RNF145: variants seen among roughly 807,000 people sequenced by gnomAD.
RNF145 encodes the protein ring finger protein 145.
A neutral mutation model predicts 57.3 loss-of-function variants in RNF145; 12 were observed. The ratio of observed to expected loss-of-function variants is 0.21; its 90% CI spans 0.13 to 0.34. The LOEUF (loss-of-function observed/expected upper bound fraction) is 0.34, where lower values mean the gene tolerates loss of function less well. Ranked by LOEUF, RNF145 falls within the 10% of genes least tolerant of loss-of-function variation. The pLI is 1.00. For synonymous variants in RNF145, 262 were observed against 288.3 expected (o/e 0.91, Z 0.92); for missense variants, 429 against 799.0 (o/e 0.54, Z 5.58).
chr5:159,177,452 C>A (rs574721798), intron 4 of RNF145, among the ~76,000 whole-genome samples: 3 of 152,010 alleles, frequency 2.0e-5, no homozygotes, highest in Non-Finnish European at 2.9e-5. Context: ...CACAGAAATA[C>A]AAAGAACAAA....
At chr5:159,159,312 G>A (rs1784138403) in intron 10 of RNF145, among the ~76,000 whole-genome samples, 2 of 152,338 alleles carry the variant, frequency 1.3e-5, no homozygotes, top group African/African-American at 4.8e-5. Context: ...GGTTTTGCCT[G>A]AGTATGAAAT....
chr5:159,191,991 C>G (rs1182107388), intron 3 of RNF145, among the ~76,000 whole-genome samples: 1 of 151,626 alleles, frequency 6.6e-6, no homozygotes, highest in East Asian at 1.9e-4. Flanking sequence ...ACAGTCAGCC[C>G]TCCATATTCA....
intron 4 of RNF145, among the ~76,000 whole-genome samples, 180 bp downstream of exon 4, chr5:159,181,780 T>A (rs952033669): frequency 6.6e-6 from 1 of 150,788 alleles, no homozygotes; most frequent in Non-Finnish European, 1.5e-5. Flanking sequence ...ACATAATCTA[T>A]ACATGGGGAA....
rs1247943717 is a variant in RNF145 at position 159,161,315 on chromosome 5, G to A, written c.1577C>T (p.Thr526Met). The change falls in exon 10 of 11, where the codon ACG becomes ATG. Residue 526 changes from threonine to methionine, a missense_variant. By Grantham distance (81) the Thr-to-Met change is moderately conservative. Around this residue, in one of 4 missense-constraint regions of RNF145, gnomAD observed 216 missense variants for 457.6 expected, o/e 0.47. Coordinates refer to ENST00000424310, the MANE Select transcript of RNF145 (RefSeq NM_001199383.2). ...ATTGTGTTTCTCAAGCTGCTCTTTCGTAGCAATGGGTAACGATTTAATCTT... is the reference window on the plus strand; with the variant it reads ...ATTGTGTTTCTCAAGCTGCTCTTTCATAGCAATGGGTAACGATTTAATCTT... ...VNKIKSLPIA[T>M]KEQLEKHNDI... 3.1e-6 allele frequency: 5 copies of A among 1,613,608 alleles called. No homozygotes were observed. Among genetic ancestry groups the A allele is most frequent in the Non-Finnish European group, 4.2e-6 (5 of 1,179,756 alleles).
At chr5:159,187,891 C>G (rs1341703680) in intron 3 of RNF145, among the ~76,000 whole-genome samples, 1 of 152,140 alleles carries the variant, frequency 6.6e-6, no homozygotes, top group Non-Finnish European at 1.5e-5. Flanking sequence ...AAATGGAGAG[C>G]TGATTATCCA....
intron 2 of RNF145, among the ~76,000 whole-genome samples, chr5:159,200,426 T>C (rs1025447779): frequency 2.0e-5 from 3 of 152,070 alleles, no homozygotes; most frequent in African/African-American, 7.2e-5. Context: ...TATGTGAGAA[T>C]TCAGTATATA....
At chr5:159,191,982 C>T (rs901296883) in intron 3 of RNF145, among the ~76,000 whole-genome samples, 1 of 151,390 alleles carries the variant, frequency 6.6e-6, no homozygotes, top group African/African-American at 2.4e-5. Context: ...ATTGGTAATA[C>T]AGTCAGCCCT....
rs78876929 is a variant in RNF145, at chr5:159,177,117, G to A, written c.386-250C>T. Among the ~76,000 whole-genome samples the A allele has an allele frequency of 2.2e-3, 335 of 152,160 alleles. 8 individuals are homozygous for A. In the East Asian group the frequency reaches 0.052, roughly 24 times the overall value. On this transcript the variant is annotated intron_variant, in intron 4 of 10. Transcript: ENST00000424310. ...AGAGCAGCATAAATCTCCACTGGTC[G>A]TCTGTGATGCCATGTGTAATATGAA... is the stretch of plus-strand genomic sequence containing the variant.
At chr5:159,209,640 T>C (rs1190242471), upstream of RNF145, 4 of 1,026,004 alleles carry the variant, frequency 3.9e-6, no homozygotes, top group Non-Finnish European at 5.0e-6. Flanking sequence ...CCGCGCTCAC[T>C]CACAATCGCG....
chr5:159,200,683 C>CA (rs1785632061), intron 2 of RNF145, among the ~76,000 whole-genome samples: 2 of 152,062 alleles, frequency 1.3e-5, no homozygotes, highest in Admixed American at 1.3e-4. Flanking sequence ...AAATCATAAG[C>CA]AAAATCACTG....
chr5:159,191,718 G>T (rs1172134601), intron 3 of RNF145, among the ~76,000 whole-genome samples: 1 of 152,022 alleles, frequency 6.6e-6, no homozygotes, highest in African/African-American at 2.4e-5. Context: ...CTTGAGCCTG[G>T]GAGGCAGAGG....
rs959113134 is a variant in RNF145, at chr5:159,157,897, A to G, written c.*773T>C. On this transcript the variant is annotated 3_prime_UTR_variant, in exon 11 of 11. Coordinates refer to ENST00000424310, the MANE Select transcript of RNF145 (RefSeq NM_001199383.2). ...GGTCTCCTTCACTAAAGCAGACTCC[A>G]AAGTGTTCATCAGAGTTTTAGTTTA... 1 of 152,798 alleles carries G rather than the reference A, an allele frequency of 6.5e-6. No homozygotes were observed. The highest frequency in any genetic ancestry group is 2.4e-5 in the African/African-American group (1 of 41,460). The allele number at this position is 152,798 out of a possible 1,614,324, so 9.5% of individuals were successfully genotyped here.
intron 1 of RNF145, among the ~76,000 whole-genome samples, chr5:159,208,559 G>A (rs1242114319): frequency 2.6e-5 from 4 of 152,094 alleles, no homozygotes; most frequent in Non-Finnish European, 2.9e-5. Context: ...ACTGACGGAC[G>A]GGATGCAGAG....
At chr5:159,188,337 T>G (rs1455765299) in intron 3 of RNF145, among the ~76,000 whole-genome samples, 1 of 150,932 alleles carries the variant, frequency 6.6e-6, no homozygotes, top group Non-Finnish European at 1.5e-5. Flanking sequence ...CAGTGAGCCA[T>G]GAGCCGAAAT....
At chr5:159,197,948 T>C (rs990397056) in intron 2 of RNF145, among the ~76,000 whole-genome samples, 21 of 151,892 alleles carry the variant, frequency 1.4e-4, no homozygotes, top group Admixed American at 1.4e-3. Context: ...CCTGTCTCTA[T>C]AAAAAATAAG....
intron 3 of RNF145, among the ~76,000 whole-genome samples, chr5:159,182,706 G>A (rs958534824): frequency 6.6e-6 from 1 of 152,102 alleles, no homozygotes; most frequent in Admixed American, 6.6e-5. Flanking sequence ...TAAGCTTTAA[G>A]TAATAACCAG....
intron 9 of RNF145, among the ~76,000 whole-genome samples, chr5:159,162,385 TA>T (rs1475167911): frequency 6.6e-6 from 1 of 151,018 alleles, no homozygotes; most frequent in African/African-American, 2.4e-5. Flanking sequence ...ATTACCTTCA[TA>T]AAAAATACAG....
chr5:159,180,749 A>C (rs1411557656), intron 4 of RNF145, among the ~76,000 whole-genome samples: 2 of 152,144 alleles, frequency 1.3e-5, no homozygotes, highest in Non-Finnish European at 2.9e-5. Flanking sequence ...ATGTATTAAA[A>C]GTTAACCTGG....
intron 10 of RNF145, among the ~76,000 whole-genome samples, chr5:159,160,595 G>A (rs1367540421): frequency 6.6e-6 from 1 of 152,186 alleles, no homozygotes; most frequent in Non-Finnish European, 1.5e-5. Context: ...TCTTGCACAG[G>A]TGATTGATGA....
Sources: allele counts gnomAD v4.1 joint callset (sites outside exome capture counted in the v4.1 genomes callset), GRCh38; gene constraint gnomAD v4.1.1; regional missense constraint gnomAD v4.1.1; transcripts MANE v1.5; gene names NCBI Gene and HGNC (gene_info 2026-07-23, HGNC 2026-07-21).